The following PTGER3 variants were observed in gnomAD, a reference collection of about 807,000 sequenced individuals.
PTGER3 encodes prostaglandin E2 receptor EP3 subtype.
PTGER3 carries 22 observed loss-of-function variants against 34.7 expected under a neutral mutation model. That is an observed-to-expected ratio of 0.63 (90% CI 0.45 to 0.91). The LOEUF (loss-of-function observed/expected upper bound fraction) is 0.91. Ranked by LOEUF, PTGER3 falls within the 40% of genes least tolerant of loss-of-function variation. The pLI is 0.00. For synonymous variants in PTGER3, 241 were observed against 230.1 expected (o/e 1.05, Z -0.43); for missense variants, 468 against 519.4 (o/e 0.90, Z 0.96).
At chr1:71,014,636 T>C (rs1487172366) in intron 1 of PTGER3, among the ~76,000 whole-genome samples, 1 of 152,108 alleles carries the variant, frequency 6.6e-6, no homozygotes, top group African/African-American at 2.4e-5. Flanking sequence ...CACAGGTCTC[T>C]CCTTCAGCCA....
chr1:70,929,591 A>G (rs987834100), intron 4 of PTGER3, among the ~76,000 whole-genome samples: 1 of 152,180 alleles, frequency 6.6e-6, no homozygotes, highest in African/African-American at 2.4e-5. Flanking sequence ...AGCAGTGTTT[A>G]TATTCATGAA....
At chr1:70,908,438 G>A (rs1279787853) in intron 4 of PTGER3, among the ~76,000 whole-genome samples, 1 of 152,230 alleles carries the variant, frequency 6.6e-6, no homozygotes, top group South Asian at 2.1e-4. Context: ...CTTCTCCCCT[G>A]GAGCAGGATA....
intron 4 of PTGER3, among the ~76,000 whole-genome samples, chr1:70,854,043 T>C (rs1645744807): frequency 6.6e-6 from 1 of 151,716 alleles, no homozygotes; most frequent in Admixed American, 6.6e-5. Context: ...AGGAGAAAAA[T>C]TTTATAACAG....
chr1:71,002,763 T>G (rs553549457), intron 2 of PTGER3, among the ~76,000 whole-genome samples: 1 of 152,284 alleles, frequency 6.6e-6, no homozygotes, highest in Admixed American at 6.5e-5. Context: ...ATTCTTAAAA[T>G]AAAAGGGTTG....
intron 1 of PTGER3, among the ~76,000 whole-genome samples, chr1:71,043,323 T>A (rs1271080961): frequency 1.3e-5 from 2 of 152,156 alleles, no homozygotes; most frequent in African/African-American, 4.8e-5. Flanking sequence ...CTCTCTTAAT[T>A]TCACATTTTA....
At chr1:71,031,909 A>C (rs554043605) in intron 1 of PTGER3, among the ~76,000 whole-genome samples, 51 of 152,362 alleles carry the variant, frequency 3.3e-4, no homozygotes, top group Admixed American at 1.7e-3. Context: ...ATGCTAGAGA[A>C]AAGAATTTTA....
At chr1:70,926,938 C>T (rs375572953) in intron 4 of PTGER3, among the ~76,000 whole-genome samples, 1 of 151,890 alleles carries the variant, frequency 6.6e-6, no homozygotes, top group Non-Finnish European at 1.5e-5. Flanking sequence ...ATTGAGATAA[C>T]CATGTGGTTT....
chr1:70,964,935 C>A (rs1652355654), intron 2 of PTGER3, among the ~76,000 whole-genome samples: 1 of 152,028 alleles, frequency 6.6e-6, no homozygotes, highest in Non-Finnish European at 1.5e-5. Flanking sequence ...TCTTGGATAG[C>A]AAAGAAGATG....
intron 2 of PTGER3, among the ~76,000 whole-genome samples, chr1:71,004,118 G>C (rs1656729469): frequency 6.6e-6 from 1 of 152,178 alleles, no homozygotes; most frequent in Admixed American, 6.5e-5. Flanking sequence ...AAACAACCTT[G>C]TATGTTATAT....
At chr1:70,982,709 A>G (rs1054339624) in intron 2 of PTGER3, among the ~76,000 whole-genome samples, 1 of 152,106 alleles carries the variant, frequency 6.6e-6, no homozygotes, top group Non-Finnish European at 1.5e-5. Context: ...TTTACTGTCC[A>G]TTTGTGGACA....
intron 1 of PTGER3, among the ~76,000 whole-genome samples, chr1:71,032,310 T>C (rs1659479818): frequency 6.6e-6 from 1 of 152,222 alleles, no homozygotes; most frequent in South Asian, 2.1e-4. Flanking sequence ...TCTTTCCTCA[T>C]AGCCTAGAAA....
chr1:70,904,758 C>T (rs1461981826), intron 4 of PTGER3, among the ~76,000 whole-genome samples: 1 of 152,126 alleles, frequency 6.6e-6, no homozygotes, highest in African/African-American at 2.4e-5. Flanking sequence ...CATAAAAGTT[C>T]AGAAAAGTTG....
chr1:71,027,272 T>A (rs1051586930), intron 1 of PTGER3, among the ~76,000 whole-genome samples: 2 of 152,028 alleles, frequency 1.3e-5, no homozygotes, highest in Admixed American at 1.3e-4. Context: ...GGTTCAAGGG[T>A]TCCTCCCTAG....
intron 4 of PTGER3, among the ~76,000 whole-genome samples, chr1:70,873,094 A>G (rs887964225): frequency 2.2e-4 from 33 of 152,236 alleles, no homozygotes; most frequent in African/African-American, 7.7e-4. Flanking sequence ...AAGTTCTAAT[A>G]TGACAAAAAA....
chr1:70,998,624 G>A (rs1375106104), intron 2 of PTGER3, among the ~76,000 whole-genome samples: 1 of 152,170 alleles, frequency 6.6e-6, no homozygotes, highest in African/African-American at 2.4e-5. Flanking sequence ...TGTTACTGCT[G>A]TGAATCCAAG....
intron 4 of PTGER3, among the ~76,000 whole-genome samples, chr1:70,862,605 T>G (rs1645951414): frequency 6.6e-6 from 1 of 152,128 alleles, no homozygotes; most frequent in South Asian, 2.1e-4. Flanking sequence ...AAGAGCTGTC[T>G]AATAAAGAAG....
At chr1:70,973,524 A>G (rs1653362035) in intron 3 of PTGER3, among the ~76,000 whole-genome samples, 1 of 152,160 alleles carries the variant, frequency 6.6e-6, no homozygotes, top group Non-Finnish European at 1.5e-5. Flanking sequence ...TTGAATGTTC[A>G]TATCAGTTAT....
intron 4 of PTGER3, among the ~76,000 whole-genome samples, chr1:70,947,077 T>G (rs778205591): frequency 6.6e-6 from 1 of 152,152 alleles, no homozygotes; most frequent in Non-Finnish European, 1.5e-5. Context: ...ATCTGCTCTA[T>G]GCCTTAGTTT....
intron 1 of PTGER3, among the ~76,000 whole-genome samples, chr1:71,021,138 A>G (rs1204116085): frequency 1.3e-5 from 2 of 152,162 alleles, no homozygotes; most frequent in Non-Finnish European, 2.9e-5. Context: ...TTTCTTGCTA[A>G]TAAAGTAGTT....
Sources: gnomAD v4.1 joint callset for allele counts (sites outside exome capture counted in the v4.1 genomes callset) on GRCh38, gnomAD v4.1.1 for gene constraint, MANE v1.5 for transcripts, NCBI Gene and HGNC (gene_info 2026-07-23, HGNC 2026-07-21) for gene names.